The following FUT8 variants were observed in gnomAD, a reference collection of about 807,000 sequenced individuals.
The protein encoded by FUT8 is fucosyltransferase 8.
In FUT8, 29 loss-of-function variants were observed where a neutral mutation model predicts 71.3. The observed-to-expected ratio is 0.41, with a 90% confidence interval of 0.30 to 0.55. The LOEUF (loss-of-function observed/expected upper bound fraction) is 0.55. FUT8 is among the 20% of genes least tolerant of loss of function. The pLI is 0.34. For synonymous variants in FUT8, 254 were observed against 239.3 expected (o/e 1.06, Z -0.57); for missense variants, 544 against 702.1 (o/e 0.77, Z 2.55).
chr14:65,440,785 A>G (rs1395732761), intron 1 of FUT8, among the ~76,000 whole-genome samples: 2 of 152,208 alleles, frequency 1.3e-5, no homozygotes, highest in Non-Finnish European at 2.9e-5. Flanking sequence ...AGTATTAGTG[A>G]GAATTTTATT....
rs190345646 is a variant in FUT8, at chr14:65,461,130, A to T, written c.-228+5412A>T. ...CTGAAATCAAGGTGTTGGCAGGGCC[A>T]CACTCTCTCCGAAGGCTCTAGGTAA... On this transcript the variant is annotated intron_variant, in intron 2 of 10. Transcript: ENST00000673929. Among the ~76,000 whole-genome samples the T allele has an allele frequency of 5.9e-5, 9 of 152,296 alleles. 1 individual carries two copies. Among genetic ancestry groups the T allele is most frequent in the Non-Finnish European group, 1.3e-4 (9 of 67,998 alleles).
In FUT8 at chr14:65,467,935, CTTCT is replaced by C; in HGVS notation, c.-228+12224_-228+12227del. ...AGAACCCGGGTACCTTTCTCTTTGG[CTTCT>C]TTCTTTTTCCGATCATTTTCCTTTA... On this transcript the variant is annotated intron_variant, in intron 2 of 10. Coordinates refer to ENST00000673929, the MANE Select transcript of FUT8 (RefSeq NM_001371533.1). The surrounding 1 kb of genome is among the most constrained non-coding windows in gnomAD (Gnocchi z 4.1). The C allele has an allele frequency of 1.3e-6, 1 of 742,016 alleles. No homozygotes were observed. The highest frequency in any genetic ancestry group is 2.5e-6 in the Non-Finnish European group (1 of 396,382). 46.0% of individuals were successfully genotyped at this position (742,016 alleles called of 1,614,324 possible). A position where few individuals can be genotyped will look rare whatever the true frequency, so the allele number is the denominator to read the frequency against.
intron 1 of FUT8, among the ~76,000 whole-genome samples, chr14:65,442,884 C>T (rs185024579): frequency 2.0e-5 from 3 of 151,116 alleles, no homozygotes; most frequent in Admixed American, 6.6e-5. Flanking sequence ...AAACCTTACT[C>T]ATGCACCATA....
chr14:65,742,915 T>C lies in FUT8; in HGVS notation c.*505T>C, dbSNP rs1053657569. 2.0e-5 allele frequency: 3 copies of C among 152,446 alleles called. No individual in the cohort carries two copies. The highest frequency in any genetic ancestry group is 7.3e-5 in the African/African-American group (3 of 41,308). The allele number at this position is 152,446 out of a possible 1,614,324, so 9.4% of individuals were successfully genotyped here. ...GAATGAGAATGGACGTTTGGTTTTT[T>C]TTTGTTTTTGTTTTTGTTTTTTCCT... On this transcript the variant is annotated 3_prime_UTR_variant, in exon 11 of 11. Coordinates refer to ENST00000673929, the MANE Select transcript of FUT8 (RefSeq NM_001371533.1).
At chr14:65,624,822 C>T (rs910228786) in intron 5 of FUT8, among the ~76,000 whole-genome samples, 6 of 152,224 alleles carry the variant, frequency 3.9e-5, no homozygotes, top group Admixed American at 3.9e-4. Flanking sequence ...CACCTGTAAT[C>T]CTAGCACTTT....
At chr14:65,589,905 A>G (rs886760026) in intron 3 of FUT8, among the ~76,000 whole-genome samples, 3 of 152,210 alleles carry the variant, frequency 2.0e-5, no homozygotes, top group Non-Finnish European at 4.4e-5. Flanking sequence ...GACATGGTAA[A>G]CCATCCAAAG....
Position 65,489,226 on chromosome 14 carries a change from C to G in FUT8, c.-228+33508C>G, listed in dbSNP as rs2066450201. Reference sequence around the variant, plus strand: ...TTATCTAACACTAAACGGTCACTGGCAAGAACCTTTTCTTTGTAACATGTT... The same window carrying G: ...TTATCTAACACTAAACGGTCACTGGGAAGAACCTTTTCTTTGTAACATGTT... On this transcript the variant is annotated intron_variant, in intron 2 of 10. Coordinates refer to ENST00000673929, the MANE Select transcript of FUT8 (RefSeq NM_001371533.1). This position sits in a 1 kb window ranked among gnomAD's most constrained non-coding sequence, Gnocchi z 4.0. 6.6e-6 allele frequency among the ~76,000 whole-genome samples: 1 copy of G among 152,160 alleles called. No individual in the cohort carries two copies. Among genetic ancestry groups the G allele is most frequent in the African/African-American group, 2.4e-5 (1 of 41,454 alleles).
At chr14:65,529,046 G>A (rs1044121521) in intron 2 of FUT8, 2 of 161,544 alleles carry the variant, frequency 1.2e-5, no homozygotes, top group East Asian at 3.9e-4. Flanking sequence ...AATGTCTGAG[G>A]TATTTATTCA....
At position 65,724,409 on chromosome 14, in the gene FUT8, G is replaced by A. The variant is rs185729008; in HGVS notation, c.1259+86G>A. ...TTACTTCCCATGACTTGTGATTTTTGTATATTATTATTGCTAATTATTAGG... is the reference window on the plus strand; with the variant it reads ...TTACTTCCCATGACTTGTGATTTTTATATATTATTATTGCTAATTATTAGG... On this transcript the variant is annotated intron_variant, in intron 9 of 10. Transcript: ENST00000673929. The A allele has an allele frequency of 1.4e-5, 11 of 794,260 alleles. No individual in the cohort carries two copies. The East Asian group carries it at 1.7e-4, about 12-fold the overall frequency. 49.2% of individuals were successfully genotyped at this position (794,260 alleles called of 1,614,324 possible). A position where few individuals can be genotyped will look rare whatever the true frequency, so the allele number is the denominator to read the frequency against.
chr14:65,578,475 A>T (rs1225531649), intron 3 of FUT8, among the ~76,000 whole-genome samples: 1 of 152,188 alleles, frequency 6.6e-6, no homozygotes. Flanking sequence ...AGCTTGTCCA[A>T]CTCGCATGTG....
At chr14:65,366,491 T>C in the FUT8 span, among the ~76,000 whole-genome samples, 16 of 152,314 alleles carry the variant, frequency 1.1e-4, no homozygotes, top group African/African-American at 3.8e-4. Flanking sequence ...TATGCTTTGA[T>C]CACAATGACA....
chr14:65,452,118 C>T (rs551111238), intron 1 of FUT8, among the ~76,000 whole-genome samples: 76 of 152,274 alleles, frequency 5.0e-4, no homozygotes, highest in African/African-American at 1.7e-3. Context: ...TGAGTTCCTT[C>T]TCATTCTTAG....
chr14:65,539,358 G>A (rs1010699443), intron 2 of FUT8, among the ~76,000 whole-genome samples: 3 of 152,184 alleles, frequency 2.0e-5, no homozygotes, highest in Non-Finnish European at 4.4e-5. Flanking sequence ...TTCATTTGAA[G>A]TTGAGAGCAA....
At chr14:65,634,499 C>A (rs1215180331) in intron 6 of FUT8, among the ~76,000 whole-genome samples, 7 of 151,428 alleles carry the variant, frequency 4.6e-5, no homozygotes, top group Admixed American at 2.0e-4. Context: ...GACCTTCCCT[C>A]CACTATTGTC....
chr14:65,543,974 A>T (rs1884840156), intron 2 of FUT8, among the ~76,000 whole-genome samples: 1 of 152,202 alleles, frequency 6.6e-6, no homozygotes, highest in Non-Finnish European at 1.5e-5. Context: ...CCATTGAATT[A>T]GCTTTTTTGC....
At chr14:65,436,855 A>T (rs1246291387) in intron 1 of FUT8, among the ~76,000 whole-genome samples, 1 of 152,192 alleles carries the variant, frequency 6.6e-6, no homozygotes, top group African/African-American at 2.4e-5. Context: ...GGTTCCATGG[A>T]AAATTTGAGT....
intron 2 of FUT8, among the ~76,000 whole-genome samples, chr14:65,510,765 T>C (rs1486542096): frequency 2.6e-5 from 4 of 152,164 alleles, no homozygotes; most frequent in Non-Finnish European, 4.4e-5. Flanking sequence ...GTGATATCGG[T>C]TGTACTGTCT....
rs192864069 is a variant in FUT8 at position 65,421,127 on chromosome 14, A to G, written c.-326+7913A>G. ...AGAATTGCTTGAACCTAGAAGGTGG[A>G]GGTTGCAGTGAGCCAAGGTTGTGTC... On this transcript the variant is annotated intron_variant, in intron 1 of 10. Transcript: ENST00000673929. Among the ~76,000 whole-genome samples the G allele has an allele frequency of 2.2e-3, 303 of 137,846 alleles. 3 individuals carry two copies. The highest frequency in any genetic ancestry group is 2.3e-3 in the Non-Finnish European group (152 of 65,276). 90.4% of individuals were successfully genotyped at this position (137,846 alleles called of 152,430 possible).
intron 2 of FUT8, among the ~76,000 whole-genome samples, chr14:65,545,937 T>C (rs1329913899): frequency 6.6e-6 from 1 of 151,894 alleles, no homozygotes; most frequent in African/African-American, 2.4e-5. Flanking sequence ...AGTAAGAATG[T>C]ACTAGGTGAT....
Sources: gnomAD v4.1 joint callset for allele counts (sites outside exome capture counted in the v4.1 genomes callset) on GRCh38, gnomAD v4.1.1 for gene constraint, Gnocchi (gnomAD v3.1) non-coding constraint, MANE v1.5 for transcripts, NCBI Gene and HGNC (gene_info 2026-07-23, HGNC 2026-07-21) for gene names.